ST3GAL2: variants seen among roughly 807,000 people sequenced by gnomAD.
ST3GAL2 encodes the protein ST3 beta-galactoside alpha-2,3-sialyltransferase 2, also known as CMP-N-acetylneuraminate-beta-galactosamide-alpha-2,3-sialyltransferase 2.
A neutral mutation model predicts 37.5 loss-of-function variants in ST3GAL2; 16 were observed. The ratio of observed to expected loss-of-function variants is 0.43; its 90% CI spans 0.29 to 0.65. ST3GAL2 has a LOEUF of 0.65. Among genes scored for constraint, ST3GAL2 ranks in the 30% least tolerant of loss-of-function variants. The pLI, the probability that ST3GAL2 is intolerant of heterozygous loss-of-function variation, is 0.17. For synonymous variants in ST3GAL2, 238 were observed against 202.9 expected, an observed-to-expected ratio of 1.17 and a Z score of -1.47; for missense variants, 383 against 487.8, an observed-to-expected ratio of 0.79 and a Z score of 2.02.
At chr16:70,396,097 G>A (rs1183657477) in intron 2 of ST3GAL2, among the ~76,000 whole-genome samples, 4 of 151,086 alleles carry the variant, frequency 2.6e-5, no homozygotes, top group Admixed American at 6.6e-5. Context: ...TCAGCCTCCC[G>A]AGTAGCTGCA....
rs1004959862 is a variant in ST3GAL2, at chr16:70,381,369, G to A, written c.*320C>T. ...GCTCTCCTCCTCAGAAAGCGTGAAAGAAAACCCTAACCCAAAGCATGAGGG... is the reference window on the plus strand; with the variant it reads ...GCTCTCCTCCTCAGAAAGCGTGAAAAAAAACCCTAACCCAAAGCATGAGGG... On this transcript the variant is annotated 3_prime_UTR_variant, in exon 7 of 7. Coordinates refer to ENST00000342907, the MANE Select transcript of ST3GAL2 (RefSeq NM_006927.4). The A allele has an allele frequency of 2.6e-5, 7 of 272,354 alleles. No homozygotes were observed. Among genetic ancestry groups the A allele is most frequent in the African/African-American group, 1.1e-4 (5 of 45,130 alleles). The allele number at this position is 272,354 out of a possible 1,614,324, so 16.9% of individuals were successfully genotyped here. A position where few individuals can be genotyped will look rare whatever the true frequency, so the allele number is the denominator to read the frequency against.
At chr16:70,407,013 G>A (rs1029655702) in intron 1 of ST3GAL2, among the ~76,000 whole-genome samples, 9 of 152,174 alleles carry the variant, frequency 5.9e-5, no homozygotes, top group East Asian at 5.8e-4. Flanking sequence ...CCGAGCAAGC[G>A]GCACAGACAG....
In ST3GAL2 at chr16:70,381,530, T is replaced by C. The variant is rs1250058538; in HGVS notation, c.*159A>G. 6.1e-6 allele frequency: 5 copies of C among 826,236 alleles called. No homozygotes were observed. In the East Asian group the frequency reaches 8.2e-5, roughly 14 times the overall value. The allele number at this position is 826,236 out of a possible 1,614,324, so 51.2% of individuals were successfully genotyped here. ...AGCTCCGCCCGACCGCAGCGCAGATTGGTGCCAGGCCCGGCCGGTCCCCCA... is the reference window on the plus strand; with the variant it reads ...AGCTCCGCCCGACCGCAGCGCAGATCGGTGCCAGGCCCGGCCGGTCCCCCA... On this transcript the variant is annotated 3_prime_UTR_variant, in exon 7 of 7. Coordinates refer to ENST00000342907, the MANE Select transcript of ST3GAL2 (RefSeq NM_006927.4).
intron 1 of ST3GAL2, among the ~76,000 whole-genome samples, chr16:70,432,426 G>A (rs567252652): frequency 8.4e-5 from 12 of 143,596 alleles, no homozygotes; most frequent in African/African-American, 2.8e-4. Flanking sequence ...AAACCACCAG[G>A]GCTCAGCTAG....
rs2047348356 is a variant in ST3GAL2, at chr16:70,376,703, C to A, written c.*4986G>T. The A allele has an allele frequency of 6.6e-6, 1 of 152,096 alleles. No homozygotes were observed. Among genetic ancestry groups the A allele is most frequent in the African/African-American group, 2.4e-5 (1 of 41,406 alleles). 9.4% of individuals were successfully genotyped at this position (152,096 alleles called of 1,614,324 possible). On this transcript the variant is annotated 3_prime_UTR_variant, in exon 7 of 7. Transcript: ENST00000342907. ...GATGCCTCTGACCTTGCCAGACAGTCACAGAAGGTACTTCCTTGTCTGCTG... is the reference window on the plus strand; with the variant it reads ...GATGCCTCTGACCTTGCCAGACAGTAACAGAAGGTACTTCCTTGTCTGCTG...
chr16:70,430,985 G>A (rs1410901456), intron 1 of ST3GAL2, among the ~76,000 whole-genome samples: 3 of 152,044 alleles, frequency 2.0e-5, no homozygotes. Context: ...AACTTGGGTA[G>A]GAACAAAGGT....
chr16:70,404,572 T>A (rs1048453750), intron 1 of ST3GAL2, among the ~76,000 whole-genome samples: 2 of 152,186 alleles, frequency 1.3e-5, no homozygotes, highest in African/African-American at 4.8e-5. Flanking sequence ...CGCAGAGACA[T>A]TGGAACCCTC....
At chr16:70,411,645 T>C (rs1337532518) in intron 1 of ST3GAL2, among the ~76,000 whole-genome samples, 2 of 152,150 alleles carry the variant, frequency 1.3e-5, no homozygotes, top group African/African-American at 2.4e-5. Context: ...AATCCAGTGT[T>C]TTCCAGTTTA....
At chr16:70,438,006 C>CTTTG (rs1448605174) in intron 1 of ST3GAL2, among the ~76,000 whole-genome samples, 1 of 152,208 alleles carries the variant, frequency 6.6e-6, no homozygotes, top group Non-Finnish European at 1.5e-5. Context: ...CCAACACCAC[C>CTTTG]TTTGACTCAA....
intron 1 of ST3GAL2, among the ~76,000 whole-genome samples, chr16:70,427,789 C>T (rs1385754791): frequency 6.6e-6 from 1 of 152,194 alleles, no homozygotes; most frequent in Non-Finnish European, 1.5e-5. Context: ...ACTGAAATGT[C>T]TCTCAGATCT....
chr16:70,397,505 T>C (rs1169306163), intron 2 of ST3GAL2, among the ~76,000 whole-genome samples: 1 of 151,846 alleles, frequency 6.6e-6, no homozygotes, highest in South Asian at 2.1e-4. Flanking sequence ...GGGCAGATCA[T>C]CTGAGGTCAG....
chr16:70,394,927 G>A, intron 3 of ST3GAL2, 55 bp downstream of exon 3: 4 of 1,578,364 alleles, frequency 2.5e-6, no homozygotes, highest in Non-Finnish European at 3.4e-6. Flanking sequence ...GAGGAGGGCA[G>A]TCCCCTTCCC....
intron 3 of ST3GAL2, among the ~76,000 whole-genome samples, chr16:70,391,806 G>C (rs529862969): frequency 6.6e-6 from 1 of 152,300 alleles, no homozygotes; most frequent in Non-Finnish European, 1.5e-5. Context: ...ATGGGGTTTT[G>C]CCATGTTGCC....
At chr16:70,438,398 G>A (rs1299061125) in intron 1 of ST3GAL2, among the ~76,000 whole-genome samples, 1 of 152,208 alleles carries the variant, frequency 6.6e-6, no homozygotes, top group African/African-American at 2.4e-5. Flanking sequence ...GGCTTCAGCC[G>A]TGCCTCAGTT....
chr16:70,423,736 GTGTGA>G (rs2047731561), intron 1 of ST3GAL2, among the ~76,000 whole-genome samples: 1 of 149,398 alleles, frequency 6.7e-6, no homozygotes, highest in African/African-American at 2.5e-5. Flanking sequence ...GAGTGCAATG[GTGTGA>G]TCTCGGCTCA....
At chr16:70,409,710 A>C (rs758442718) in intron 1 of ST3GAL2, among the ~76,000 whole-genome samples, 1 of 151,758 alleles carries the variant, frequency 6.6e-6, no homozygotes, top group Non-Finnish European at 1.5e-5. Flanking sequence ...GCGCAATCAC[A>C]GTTGACTGTA....
intron 4 of ST3GAL2, among the ~76,000 whole-genome samples, chr16:70,387,631 T>C (rs920665055): frequency 6.6e-6 from 1 of 152,200 alleles, no homozygotes; most frequent in Non-Finnish European, 1.5e-5. Context: ...AAGAAGTTAC[T>C]GGATTATACA....
intron 3 of ST3GAL2, among the ~76,000 whole-genome samples, chr16:70,391,871 T>G (rs1225016350): frequency 6.6e-6 from 1 of 152,172 alleles, no homozygotes; most frequent in South Asian, 2.1e-4. Flanking sequence ...AGCCTCCCAA[T>G]GTAGTGGGAT....
chr16:70,435,702 G>A (rs2047820331), intron 1 of ST3GAL2, among the ~76,000 whole-genome samples: 2 of 151,852 alleles, frequency 1.3e-5, no homozygotes, highest in South Asian at 4.1e-4. Context: ...GCTGAGACAG[G>A]AGAATCGCTT....
Sources: allele counts gnomAD v4.1 joint callset (sites outside exome capture counted in the v4.1 genomes callset), GRCh38; gene constraint gnomAD v4.1.1; transcripts MANE v1.5; gene names NCBI Gene and HGNC (gene_info 2026-07-23, HGNC 2026-07-21).